Variants in EPHA4 observed in about 807,000 individuals in gnomAD.
EPHA4 encodes the protein ephrin type-A receptor 4.
In EPHA4, 19 loss-of-function variants were observed where a neutral mutation model predicts 108.3. That is an observed-to-expected ratio of 0.18 (90% confidence interval 0.12 to 0.26). EPHA4 has a LOEUF of 0.26. Ranked by LOEUF, EPHA4 falls within the 10% of genes least tolerant of loss-of-function variation. The pLI is 1.00. For missense variants in EPHA4, 917 were observed against 1,254.0 expected (o/e 0.73, Z 4.06); for synonymous variants, 449 against 455.5 (o/e 0.99, Z 0.18).
chr2:221,494,547 C>T (rs1162302977), intron 4 of EPHA4, among the ~76,000 whole-genome samples: 1 of 152,164 alleles, frequency 6.6e-6, no homozygotes, highest in Non-Finnish European at 1.5e-5. Flanking sequence ...GTGGCAGTTA[C>T]AGTGAGCTGA....
At chr2:221,531,950 G>T (rs1693532270) in intron 3 of EPHA4, among the ~76,000 whole-genome samples, 1 of 152,076 alleles carries the variant, frequency 6.6e-6, no homozygotes, top group Admixed American at 6.5e-5. Context: ...ATTTCCCAAG[G>T]AAAACGTGTC....
Position 221,501,081 on chromosome 2 carries a change from G to A in EPHA4, c.915C>T (p.Thr305=), listed in dbSNP as rs1177310949. ...PHSYSVWEGA[T]SCTCDRGFFR... is the part of the protein sequence containing the mutation. ...AAAAGCCTCGGTCACAGGTGCACGA[G>A]GTGGCTCCTTCCCAGACAGAGTAGC... The change falls in exon 4 of 18, where the codon ACC becomes ACT. Residue 305 remains threonine (T), a synonymous_variant. Transcript: ENST00000281821. 11 of 1,613,714 alleles carry A rather than the reference G, an allele frequency of 6.8e-6. No homozygotes were observed.
At chr2:221,527,073 G>A (rs1213263676) in intron 3 of EPHA4, among the ~76,000 whole-genome samples, 2 of 151,978 alleles carry the variant, frequency 1.3e-5, no homozygotes, top group Non-Finnish European at 2.9e-5. Context: ...GCAGTGAGCC[G>A]AGATCGCGCC....
intron 13 of EPHA4, 110 bp downstream of exon 13, chr2:221,436,289 G>C: frequency 1.0e-6 from 1 of 966,848 alleles, no homozygotes; most frequent in Non-Finnish European, 1.5e-6. Context: ...GGCTTCAAGG[G>C]ATGAGAAAAC....
intron 3 of EPHA4, among the ~76,000 whole-genome samples, chr2:221,514,099 G>C (rs1157052688): frequency 6.7e-6 from 1 of 150,372 alleles, no homozygotes; most frequent in Admixed American, 6.6e-5. Context: ...GGGGGGAGGG[G>C]GTTTGAAAAT....
intron 3 of EPHA4, among the ~76,000 whole-genome samples, chr2:221,511,769 C>A (rs1574624149): frequency 6.6e-6 from 1 of 152,124 alleles, no homozygotes; most frequent in Non-Finnish European, 1.5e-5. Flanking sequence ...AAATAGAAGG[C>A]AGTACAGCAA....
At chr2:221,564,573 G>T (rs189999923) in intron 2 of EPHA4, among the ~76,000 whole-genome samples, 179 bp from the exon 3 acceptor site, 1 of 146,974 alleles carries the variant, frequency 6.8e-6, no homozygotes, top group Non-Finnish European at 1.5e-5. Flanking sequence ...TTTTATTGAG[G>T]AAGTTTTTTT....
intron 13 of EPHA4, among the ~76,000 whole-genome samples, chr2:221,436,015 C>A (rs928837895): frequency 2.0e-5 from 3 of 150,864 alleles, no homozygotes; most frequent in African/African-American, 7.3e-5. Flanking sequence ...AGTGAAGCTA[C>A]CTCCTGATTT....
intron 1 of EPHA4, among the ~76,000 whole-genome samples, chr2:221,569,189 T>TA (rs34729614): frequency 0.026 from 3,931 of 152,288 alleles, 115 homozygotes; most frequent in African/African-American, 0.071. Context: ...GATGACCACA[T>TA]AACTCATCAG....
At chr2:221,540,655 T>A (rs1693808136) in intron 3 of EPHA4, among the ~76,000 whole-genome samples, 1 of 152,216 alleles carries the variant, frequency 6.6e-6, no homozygotes, top group Non-Finnish European at 1.5e-5. Flanking sequence ...GACCAGGAGT[T>A]ATTCCAGTCC....
chr2:221,548,640 G>T (rs1319129438), intron 3 of EPHA4, among the ~76,000 whole-genome samples: 1 of 151,946 alleles, frequency 6.6e-6, no homozygotes, highest in Non-Finnish European at 1.5e-5. Context: ...TATTGATTTT[G>T]AAATATTATG....
At chr2:221,564,978 T>G (rs1009169669) in intron 2 of EPHA4, among the ~76,000 whole-genome samples, 2 of 151,920 alleles carry the variant, frequency 1.3e-5, no homozygotes, top group Non-Finnish European at 2.9e-5. Flanking sequence ...CCATTCTGGT[T>G]TCAGTAATCC....
chr2:221,474,478 T>C (rs1361137874), intron 5 of EPHA4, among the ~76,000 whole-genome samples: 1 of 151,514 alleles, frequency 6.6e-6, no homozygotes, highest in African/African-American at 2.4e-5. Flanking sequence ...TCATAGGCCT[T>C]ATGAAGTAAA....
intron 17 of EPHA4, among the ~76,000 whole-genome samples, chr2:221,420,849 C>T (rs1028221230): frequency 6.6e-6 from 1 of 152,112 alleles, no homozygotes; most frequent in South Asian, 2.1e-4. Flanking sequence ...TGCCCAATGC[C>T]ATACCCTCTG....
intron 3 of EPHA4, among the ~76,000 whole-genome samples, chr2:221,508,444 T>C (rs1424391499): frequency 2.6e-5 from 4 of 151,998 alleles, no homozygotes; most frequent in Admixed American, 2.6e-4. Flanking sequence ...CCAGGAGGCA[T>C]TGTGCATGCC....
At chr2:221,500,538 G>T (rs576917564) in intron 4 of EPHA4, among the ~76,000 whole-genome samples, 1 of 152,294 alleles carries the variant, frequency 6.6e-6, no homozygotes, top group African/African-American at 2.4e-5. Context: ...TAGGATTGGG[G>T]CCTAAGTCTT....
At chr2:221,438,317 A>T (rs1198203511) in intron 11 of EPHA4, among the ~76,000 whole-genome samples, 1 of 152,128 alleles carries the variant, frequency 6.6e-6, no homozygotes, top group Non-Finnish European at 1.5e-5. Context: ...GATCACAGGC[A>T]ATAGGCTCAA....
At chr2:221,469,362 A>C (rs1691407548) in intron 5 of EPHA4, among the ~76,000 whole-genome samples, 1 of 152,184 alleles carries the variant, frequency 6.6e-6, no homozygotes, top group South Asian at 2.1e-4. Flanking sequence ...CATAGCCAAT[A>C]TCTAATCACT....
intron 3 of EPHA4, among the ~76,000 whole-genome samples, chr2:221,555,249 C>A (rs1056298488): frequency 1.4e-4 from 22 of 152,192 alleles, no homozygotes; most frequent in African/African-American, 5.1e-4. Context: ...GCATTCAAAT[C>A]AAAACCGAAT....
Sources: gnomAD v4.1 joint callset for allele counts (sites outside exome capture counted in the v4.1 genomes callset) on GRCh38, gnomAD v4.1.1 for gene constraint, MANE v1.5 for transcripts, NCBI Gene and HGNC (gene_info 2026-07-23, HGNC 2026-07-21) for gene names.